Variants in RUNX1 observed in about 807,000 individuals in gnomAD.
The protein encoded by RUNX1 is RUNX family transcription factor 1, also known as runt-related transcription factor 1.
Under a neutral mutation model 42.8 loss-of-function variants are expected in RUNX1, and 19 were observed. The ratio of observed to expected loss-of-function variants is 0.44; its 90% CI spans 0.31 to 0.65. The LOEUF is 0.65. Among genes scored for constraint, RUNX1 ranks in the 30% least tolerant of loss-of-function variants. The pLI is 0.07. For missense variants in RUNX1, 528 were observed against 672.0 expected (o/e 0.79, Z 2.37); for synonymous variants, 271 against 289.4 (o/e 0.94, Z 0.64).
intron 2 of RUNX1, among the ~76,000 whole-genome samples, chr21:34,928,972 G>C (rs572518014): frequency 7.1e-6 from 1 of 140,816 alleles, no homozygotes; most frequent in Non-Finnish European, 1.5e-5. Flanking sequence ...GGGGGGGGGG[G>C]TAGATTTCAC....
chr21:34,936,659 A>G (rs2058487936), intron 2 of RUNX1, among the ~76,000 whole-genome samples: 1 of 152,240 alleles, frequency 6.6e-6, no homozygotes, highest in Non-Finnish European at 1.5e-5. Context: ...CAGCATGGCA[A>G]GAAATATCGA....
intron 2 of RUNX1, among the ~76,000 whole-genome samples, chr21:34,983,396 C>A (rs559669515): frequency 1.3e-5 from 2 of 152,268 alleles, no homozygotes; most frequent in African/African-American, 4.8e-5. Flanking sequence ...ACTAATAACA[C>A]CAAAATAAAT....
chr21:35,027,341 G>A (rs2059244919), intron 2 of RUNX1, among the ~76,000 whole-genome samples: 1 of 152,208 alleles, frequency 6.6e-6, no homozygotes, highest in Non-Finnish European at 1.5e-5. Context: ...AAATGGGGAC[G>A]ATGATTCAGC....
intron 2 of RUNX1, among the ~76,000 whole-genome samples, chr21:34,964,593 G>T (rs998941581): frequency 6.6e-6 from 1 of 152,068 alleles, no homozygotes; most frequent in Non-Finnish European, 1.5e-5. Context: ...TTACAGACAC[G>T]CCCTATGCCT....
intron 5 of RUNX1, among the ~76,000 whole-genome samples, chr21:34,865,953 C>T (rs942498960): frequency 7.9e-5 from 12 of 152,168 alleles, no homozygotes; most frequent in African/African-American, 2.9e-4. Flanking sequence ...CCTATAACAC[C>T]CCGTGTCTGA....
chr21:35,034,964 C>T (rs901410274), intron 2 of RUNX1, among the ~76,000 whole-genome samples: 3 of 152,176 alleles, frequency 2.0e-5, no homozygotes, highest in Non-Finnish European at 2.9e-5. Flanking sequence ...AAGCATCAGC[C>T]GTTTGCTGCC....
At chr21:34,931,787 C>T (rs1001343131) in intron 2 of RUNX1, among the ~76,000 whole-genome samples, 1 of 151,718 alleles carries the variant, frequency 6.6e-6, no homozygotes, top group African/African-American at 2.4e-5. Context: ...ATCTGCATAC[C>T]AGATAGTCCC....
intron 2 of RUNX1, among the ~76,000 whole-genome samples, chr21:34,931,650 C>T (rs926834114): frequency 1.4e-5 from 2 of 138,550 alleles, no homozygotes; most frequent in Admixed American, 6.9e-5. Context: ...TATCTGGGGT[C>T]CCAACTCTGA....
At chr21:34,847,538 T>G (rs551353935) in intron 6 of RUNX1, among the ~76,000 whole-genome samples, 26 of 152,270 alleles carry the variant, frequency 1.7e-4, no homozygotes, top group African/African-American at 5.8e-4. Context: ...GACAGACTAC[T>G]TAAAAAGCAC....
intron 2 of RUNX1, among the ~76,000 whole-genome samples, chr21:34,965,099 A>C (rs1321015154): frequency 1.3e-5 from 2 of 151,894 alleles, no homozygotes; most frequent in South Asian, 2.1e-4. Context: ...ATGCTCATGC[A>C]CACGCACATA....
In RUNX1 at chr21:35,000,236, CTTTTTTTTT is replaced by C. The variant is rs397866864; in HGVS notation, c.58+48597_58+48605del. 7.2e-5 allele frequency among the ~76,000 whole-genome samples: 8 copies of C among 110,944 alleles called. No homozygotes were observed. The South Asian group carries it at 2.1e-3, about 29-fold the overall frequency. 72.8% of individuals were successfully genotyped at this position (110,944 alleles called of 152,430 possible). Reference sequence around the variant, plus strand: ...GACGATCATATAATTTTCTTTCTTTCTTTTTTTTTTTTTTTTTTTTTTGAGACAGAGTCT... The same window carrying C: ...GACGATCATATAATTTTCTTTCTTTCTTTTTTTTTTTTTGAGACAGAGTCT... On this transcript the variant is annotated intron_variant, in intron 2 of 8. Coordinates refer to ENST00000675419, the MANE Select transcript of RUNX1 (RefSeq NM_001754.5).
At position 34,792,485 on chromosome 21, in the gene RUNX1, C is replaced by T. The variant is rs752616540; in HGVS notation, c.1093G>A (p.Gly365Ser). 1.3e-6 allele frequency: 2 copies of T among 1,591,396 alleles called. No homozygotes were observed. The highest frequency in any genetic ancestry group is 1.7e-6 in the Non-Finnish European group (2 of 1,169,072). ...GAGCCCATGGCCGACATGCCGATGC[C>T]GATGCCCGAGGTGACCGGCGTCGGG... is the stretch of plus-strand genomic sequence containing the variant. ...YSPTPVTSGI[G>S]IGMSAMGSAT... The change falls in exon 9 of 9, where the codon GGC becomes AGC. Residue 365 changes from glycine to serine, a missense_variant. Coordinates refer to ENST00000675419, the MANE Select transcript of RUNX1 (RefSeq NM_001754.5). The surrounding 1 kb of genome is among the most constrained non-coding windows in gnomAD (Gnocchi z 6.9).
At chr21:34,829,636 A>G (rs2057035882) in intron 7 of RUNX1, among the ~76,000 whole-genome samples, 1 of 152,184 alleles carries the variant, frequency 6.6e-6, no homozygotes, top group African/African-American at 2.4e-5. Context: ...TTAATTTCTC[A>G]CATTCTGAAT....
chr21:34,910,149 C>T (rs548089182), intron 2 of RUNX1, among the ~76,000 whole-genome samples: 2 of 152,378 alleles, frequency 1.3e-5, no homozygotes, highest in South Asian at 4.1e-4. Context: ...TAGTTCAGTG[C>T]TGTCTTCCCA....
chr21:34,899,210 G>C (rs2058156673), intron 2 of RUNX1, among the ~76,000 whole-genome samples: 1 of 152,152 alleles, frequency 6.6e-6, no homozygotes, highest in African/African-American at 2.4e-5. Context: ...TACCACGCCT[G>C]GTGCGATTGG....
chr21:34,928,091 C>T (rs935940835), intron 2 of RUNX1, among the ~76,000 whole-genome samples: 1 of 152,178 alleles, frequency 6.6e-6, no homozygotes, highest in African/African-American at 2.4e-5. Context: ...CCATAAATAG[C>T]CACTAGTCTT....
At chr21:34,950,270 A>G (rs190126470) in intron 2 of RUNX1, among the ~76,000 whole-genome samples, 1 of 152,362 alleles carries the variant, frequency 6.6e-6, no homozygotes, top group East Asian at 1.9e-4. Context: ...TTTAGTACAC[A>G]TAAGTAATAT....
chr21:34,906,334 A>G (rs2058219462), intron 2 of RUNX1, among the ~76,000 whole-genome samples: 1 of 152,204 alleles, frequency 6.6e-6, no homozygotes, highest in African/African-American at 2.4e-5. Context: ...AGGACAGAGA[A>G]AGCTGTGGAA....
intron 2 of RUNX1, among the ~76,000 whole-genome samples, chr21:34,898,837 A>C (rs115182236): frequency 6.6e-6 from 1 of 152,250 alleles, no homozygotes; most frequent in Admixed American, 6.5e-5. Context: ...TTGGTTTCCC[A>C]TAAGCTCCCA....
Sources: gnomAD v4.1 joint callset for allele counts (sites outside exome capture counted in the v4.1 genomes callset) on GRCh38, gnomAD v4.1.1 for gene constraint, Gnocchi (gnomAD v3.1) non-coding constraint, MANE v1.5 for transcripts, NCBI Gene and HGNC (gene_info 2026-07-23, HGNC 2026-07-21) for gene names.